The following CFHR5 variants were observed in gnomAD, a reference collection of about 807,000 sequenced individuals.
CFHR5 encodes the protein complement factor H-related protein 5.
A neutral mutation model predicts 62.9 loss-of-function variants in CFHR5; 73 were observed. That is an observed-to-expected ratio of 1.16 (90% CI 0.96 to 1.41). CFHR5 has a LOEUF of 1.41. Ranked by LOEUF, CFHR5 falls within the 40% of genes most tolerant of loss-of-function variation. The pLI is 0.00. For synonymous variants in CFHR5, 249 were observed against 227.2 expected (o/e 1.10, Z -0.86); for missense variants, 779 against 679.9 (o/e 1.15, Z -1.62).
chr1:196,980,419 C>T (rs1352956289), intron 1 of CFHR5, among the ~76,000 whole-genome samples: 1 of 151,798 alleles, frequency 6.6e-6, no homozygotes, highest in East Asian at 1.9e-4. Flanking sequence ...TTGTTTATAC[C>T]AGCACTGCCA....
At chr1:197,001,756 T>C (rs534391465) in intron 7 of CFHR5, among the ~76,000 whole-genome samples, 2 of 129,334 alleles carry the variant, frequency 1.5e-5, no homozygotes, top group Non-Finnish European at 3.1e-5. Flanking sequence ...CCTGTGTCCA[T>C]GTGTTCTCAT....
At chr1:196,982,162 C>T (rs139510244) in intron 1 of CFHR5, among the ~76,000 whole-genome samples, 127 of 152,048 alleles carry the variant, frequency 8.4e-4, no homozygotes, top group African/African-American at 3.0e-3. Flanking sequence ...GTGGAAATAC[C>T]TATGACAGTT....
intron 1 of CFHR5, among the ~76,000 whole-genome samples, chr1:196,982,422 G>A (rs1385374472): frequency 2.0e-5 from 3 of 152,048 alleles, no homozygotes; most frequent in Admixed American, 6.6e-5. Flanking sequence ...CTGTAATCCC[G>A]GCAGTTTGGG....
intron 7 of CFHR5, among the ~76,000 whole-genome samples, chr1:196,999,711 A>ATG: frequency 1.9e-5 from 1 of 52,692 alleles, no homozygotes; most frequent in Non-Finnish European, 4.4e-5. Context: ...ATATATATAT[A>ATG]TATATATATA....
chr1:197,006,683 G>A (rs1236920247), intron 9 of CFHR5, among the ~76,000 whole-genome samples: 5 of 148,270 alleles, frequency 3.4e-5, no homozygotes, highest in Admixed American at 6.8e-5. Flanking sequence ...TTGCACTCCA[G>A]CCTGGGCAAC....
chr1:196,991,139 T>A (rs528932592), intron 3 of CFHR5, among the ~76,000 whole-genome samples: 34 of 152,336 alleles, frequency 2.2e-4, no homozygotes, highest in African/African-American at 6.7e-4. Flanking sequence ...ATACCATTTC[T>A]TCCACATGAT....
chr1:196,984,590 G>A lies in CFHR5; in HGVS notation c.430+453G>A, dbSNP rs1477060695. On this transcript the variant is annotated intron_variant, in intron 3 of 9. Coordinates refer to ENST00000256785, the MANE Select transcript of CFHR5 (RefSeq NM_030787.4). ...ATACTTCTGAGAGGTATGTGTATTT[G>A]TGAGCGGCTTAGAATTTGGAAAACG... 3.3e-5 allele frequency among the ~76,000 whole-genome samples: 5 copies of A among 152,276 alleles called. 1 individual carries two copies. Among genetic ancestry groups the A allele is most frequent in the African/African-American group, 1.2e-4 (5 of 41,564 alleles).
Position 196,996,106 on chromosome 1 carries a change from C to T in CFHR5, c.875C>T (p.Ser292Leu). ...PSVPPYQHGV[S>L]VEVNCRNEYA... is the part of the protein sequence containing the mutation. ...GTCCCTCCCTATCAACATGGAGTTT[C>T]AGTCGAGGTGAATTGCAGAAATGAA... The change falls in exon 6 of 10, where the codon TCA (serine) becomes TTA (leucine). Residue 292 changes from serine to leucine, a missense_variant. Transcript: ENST00000256785. The T allele has an allele frequency of 2.5e-6, 4 of 1,613,450 alleles. No homozygotes were observed. Among genetic ancestry groups the T allele is most frequent in the Non-Finnish European group, 3.4e-6 (4 of 1,179,440 alleles).
At chr1:196,983,725 A>T (rs1653603260) in intron 2 of CFHR5, among the ~76,000 whole-genome samples, 1 of 152,188 alleles carries the variant, frequency 6.6e-6, no homozygotes, top group South Asian at 2.1e-4. Context: ...GTTTATAAAC[A>T]CAAGATTTTT....
chr1:197,001,606 G>T (rs1654156428), intron 7 of CFHR5, among the ~76,000 whole-genome samples: 1 of 151,662 alleles, frequency 6.6e-6, no homozygotes, highest in African/African-American at 2.4e-5. Flanking sequence ...CAACGTGCAG[G>T]TTTGTTACAA....
intron 3 of CFHR5, among the ~76,000 whole-genome samples, chr1:196,993,678 A>G (rs563421748): frequency 6.6e-6 from 1 of 152,268 alleles, no homozygotes; most frequent in South Asian, 2.1e-4. Context: ...TGTTACTTGA[A>G]GGAATTTTTT....
At chr1:196,991,551 T>G (rs907034037) in intron 3 of CFHR5, among the ~76,000 whole-genome samples, 3 of 152,154 alleles carry the variant, frequency 2.0e-5, no homozygotes, top group Middle Eastern at 3.2e-3. Flanking sequence ...TGGGGTTTTG[T>G]TGTGGATGTC....
intron 6 of CFHR5, among the ~76,000 whole-genome samples, chr1:196,996,935 C>T (rs185731401): frequency 3.5e-4 from 53 of 152,104 alleles, no homozygotes; most frequent in Admixed American, 3.2e-3. Flanking sequence ...TACCTTGCAG[C>T]CTCAGGACTT....
intron 6 of CFHR5, among the ~76,000 whole-genome samples, chr1:196,996,692 G>C (rs1022849273): frequency 2.0e-5 from 3 of 152,078 alleles, no homozygotes; most frequent in Non-Finnish European, 4.4e-5. Flanking sequence ...AATGTAGCTT[G>C]AGTTCTATTA....
chr1:197,003,580 G>C lies in CFHR5; in HGVS notation c.1330+916G>C, dbSNP rs971720994. Among the ~76,000 whole-genome samples the C allele has an allele frequency of 2.6e-5, 4 of 152,270 alleles. No individual in the cohort carries two copies. The South Asian group carries it at 8.3e-4, about 32-fold the overall frequency. On this transcript the variant is annotated intron_variant, in intron 8 of 9. Coordinates refer to ENST00000256785, the MANE Select transcript of CFHR5 (RefSeq NM_030787.4). ...TCAGATATGGCAAAGAGTGCTTAGA[G>C]CTGGACAAGATGCCTGATAATTGAA...
At position 196,989,146 on chromosome 1, in the gene CFHR5, T is replaced by C. The variant is rs570486483; in HGVS notation, c.431-4934T>C. Among the ~76,000 whole-genome samples the C allele has an allele frequency of 9.0e-4, 137 of 152,296 alleles. 1 individual carries two copies. The highest frequency in any genetic ancestry group is 3.1e-3 in the African/African-American group (127 of 41,558). On this transcript the variant is annotated intron_variant, in intron 3 of 9. Transcript: ENST00000256785. ...TATCCATTTCTTCTAGATTTTCTAG[T>C]TTATTTGCGTAGAGGTGTTTATAGT...
chr1:197,004,924 C>G, intron 9 of CFHR5, 81 bp downstream of exon 9: 1 of 1,066,212 alleles, frequency 9.4e-7, no homozygotes, highest in Non-Finnish European at 1.4e-6. Flanking sequence ...TAGAATAACC[C>G]TTACTTAAGT....
chr1:196,996,294 A>C, intron 6 of CFHR5, 93 bp downstream of exon 6: 1 of 967,178 alleles, frequency 1.0e-6, no homozygotes, highest in Non-Finnish European at 1.6e-6. Context: ...TTACAATTTT[A>C]TTGATACTGA....
chr1:196,996,571 A>C (rs183718899), intron 6 of CFHR5, among the ~76,000 whole-genome samples: 89 of 152,274 alleles, frequency 5.8e-4, no homozygotes, highest in Non-Finnish European at 1.1e-3. Context: ...TCTAATATTT[A>C]ATTGGGATAT....
Sources: allele counts gnomAD v4.1 joint callset (sites outside exome capture counted in the v4.1 genomes callset), GRCh38; gene constraint gnomAD v4.1.1; transcripts MANE v1.5; gene names NCBI Gene and HGNC (gene_info 2026-07-23, HGNC 2026-07-21).